IQSEC2: variants seen among roughly 807,000 people sequenced by gnomAD.
The protein encoded by IQSEC2 is IQ motif and Sec7 domain ArfGEF 2.
A neutral mutation model predicts 74.6 loss-of-function variants in IQSEC2; 6 were observed. The ratio of observed to expected loss-of-function variants is 0.08; its 90% CI spans 0.04 to 0.16. IQSEC2 has a LOEUF of 0.16. IQSEC2 is among the 10% of genes least tolerant of loss of function. The pLI is 1.00. For synonymous variants in IQSEC2, 494 were observed against 544.5 expected (o/e 0.91, Z 1.29); for missense variants, 734 against 1,306.2 (o/e 0.56, Z 6.75).
chrX:53,308,778 G>A (rs1376252494), intron 1 of IQSEC2, among the ~76,000 whole-genome samples: 1 of 109,999 alleles, frequency 9.1e-6, no homozygotes, highest in Non-Finnish European at 1.9e-5. Context: ...ACTAATAGAG[G>A]AGCCCACACA....
intron 5 of IQSEC2, 52 bp from the exon 6 acceptor site, chrX:53,248,934 C>G (rs2074346467): frequency 8.6e-7 from 1 of 1,157,979 alleles, no homozygotes; most frequent in Middle Eastern, 2.4e-4. Flanking sequence ...GAACTGTGCT[C>G]TCTGTCTCAT....
chrX:53,264,938 A>AT (rs1209508779), intron 2 of IQSEC2, among the ~76,000 whole-genome samples: 2 of 107,728 alleles, frequency 1.9e-5, no homozygotes, highest in East Asian at 5.9e-4. Flanking sequence ...AAAAAAAAAA[A>AT]ATCTTTTTGT....
At chrX:53,290,095 C>A (rs1281573407) in intron 2 of IQSEC2, among the ~76,000 whole-genome samples, 1 of 111,438 alleles carries the variant, frequency 9.0e-6, no homozygotes, top group Non-Finnish European at 1.9e-5. Context: ...TGGCGCCAGG[C>A]AGACTTGGGT....
chrX:53,282,905 T>C (rs2074987649), intron 2 of IQSEC2, among the ~76,000 whole-genome samples: 1 of 111,168 alleles, frequency 9.0e-6, no homozygotes, highest in African/African-American at 3.3e-5. Flanking sequence ...AGACATTAAG[T>C]GTAGTGCTGG....
In IQSEC2 at chrX:53,279,909, AGGAG is replaced by A. The variant is rs200286632; in HGVS notation, c.737+11982_737+11985del. ...AAGATGGAGAGAGAGGAAGGAAGGA[AGGAG>A]GGAGGGAGGGAGGGAGGGAGGAAGG... On this transcript the variant is annotated intron_variant, in intron 2 of 14. Coordinates refer to ENST00000642864, the MANE Select transcript of IQSEC2 (RefSeq NM_001111125.3). The A allele has an allele frequency of 0.094, 5,748 of 61,327 alleles. 700 individuals carry two copies. The highest frequency in any genetic ancestry group is 0.22 in the African/African-American group (2,759 of 12,795). 5.1% of individuals were successfully genotyped at this position (61,327 alleles called of 1,213,427 possible). A position where few individuals can be genotyped will look rare whatever the true frequency, so the allele number is the denominator to read the frequency against.
At chrX:53,319,393 G>A (rs1486328505) in intron 1 of IQSEC2, among the ~76,000 whole-genome samples, 1 of 111,823 alleles carries the variant, frequency 8.9e-6, no homozygotes, top group Admixed American at 9.5e-5. Flanking sequence ...AGATACGGGG[G>A]AACTGATGGC....
At chrX:53,275,859 AT>A (rs34173399) in intron 2 of IQSEC2, among the ~76,000 whole-genome samples, 7,366 of 96,829 alleles carry the variant, frequency 0.076, 767 homozygotes, top group African/African-American at 0.27. Context: ...ACGCCTGGCA[AT>A]TTTTTTTTTT....
chrX:53,316,672 C>T (rs782678608), intron 1 of IQSEC2, among the ~76,000 whole-genome samples: 15 of 110,430 alleles, frequency 1.4e-4, no homozygotes, highest in East Asian at 1.1e-3. Flanking sequence ...AAGAATTGGG[C>T]GGATAGCAAC....
rs2075424223 is a variant in IQSEC2 at position 53,320,818 on chromosome X, C to T, written c.306G>A (p.Leu102=). ...LRETQFHHRE[L]RESQFHQAAR... is the part of the protein sequence containing the mutation. ...CCGCCTGGTGGAACTGGCTCTCCCG[C>T]AGCTCGCGGTGGTGGAACTGGGTCT... Residue 102 remains leucine (L), a synonymous_variant, in exon 1 of 15, where the codon CTG becomes CTA. Transcript: ENST00000642864. 3.4e-6 allele frequency: 4 copies of T among 1,164,963 alleles called. No individual in the cohort carries two copies. The highest frequency in any genetic ancestry group is 3.3e-5 in the East Asian group (1 of 30,667).
At chrX:53,263,767 TG>T (rs1237807440) in intron 2 of IQSEC2, among the ~76,000 whole-genome samples, 3 of 111,629 alleles carry the variant, frequency 2.7e-5, no homozygotes, top group Non-Finnish European at 5.7e-5. Flanking sequence ...CTCCCTCCCC[TG>T]TGTCTTATGC....
At position 53,272,769 on chromosome X, in the gene IQSEC2, T is replaced by C. The variant is rs984700966; in HGVS notation, c.738-16708A>G. ...CTCTCTTCTTATGATGCAACCCATG[T>C]ACCCTGTACTCCTCTCAGCCTTCTC... is the stretch of plus-strand genomic sequence containing the variant. On this transcript the variant is annotated intron_variant, in intron 2 of 14. Transcript: ENST00000642864. 3.6e-5 allele frequency among the ~76,000 whole-genome samples: 4 copies of C among 111,873 alleles called. No homozygotes were observed. In the Admixed American group the frequency reaches 3.8e-4, roughly 11 times the overall value.
At chrX:53,251,228 A>C in intron 4 of IQSEC2, 54 bp from the exon 5 acceptor site, 3 of 1,115,889 alleles carry the variant, frequency 2.7e-6, no homozygotes, top group Non-Finnish European at 3.7e-6. Flanking sequence ...AAGAAAGATA[A>C]AGGGAAGAAT....
chrX:53,241,652 T>C, intron 10 of IQSEC2, 132 bp downstream of exon 10: 2 of 922,208 alleles, frequency 2.2e-6, no homozygotes, highest in African/African-American at 1.9e-5. Context: ...CCTGAGACCA[T>C]GCAGATGGCA....
intron 2 of IQSEC2, among the ~76,000 whole-genome samples, chrX:53,281,011 T>C (rs1009935521): frequency 3.6e-5 from 4 of 112,285 alleles, no homozygotes; most frequent in Non-Finnish European, 7.5e-5. Flanking sequence ...CTCAGAACCT[T>C]ACAGGGAATC....
chrX:53,293,886 A>T (rs1043678780), intron 1 of IQSEC2, among the ~76,000 whole-genome samples: 24 of 111,689 alleles, frequency 2.1e-4, no homozygotes, highest in African/African-American at 6.5e-4. Context: ...ATCTCCTTTG[A>T]TCCTGCAAAG....
At chrX:53,294,621 A>AGTTCC (rs2075133024) in intron 1 of IQSEC2, among the ~76,000 whole-genome samples, 1 of 111,340 alleles carries the variant, frequency 9.0e-6, no homozygotes, top group Non-Finnish European at 1.9e-5. Flanking sequence ...GTGTTAGTTG[A>AGTTCC]GTTCCAAGCA....
chrX:53,241,955 G>A (rs1390281611), intron 9 of IQSEC2, 46 bp from the exon 10 acceptor site: 5 of 1,184,902 alleles, frequency 4.2e-6, no homozygotes, highest in Non-Finnish European at 5.7e-6. Flanking sequence ...CAGCCCATCA[G>A]CTTCAGGCCT....
intron 2 of IQSEC2, among the ~76,000 whole-genome samples, chrX:53,280,007 C>T (rs1027944442): frequency 1.8e-5 from 2 of 108,348 alleles, no homozygotes; most frequent in South Asian, 4.2e-4. Flanking sequence ...GGACGGCACT[C>T]GAACCACATA....
intron 2 of IQSEC2, among the ~76,000 whole-genome samples, chrX:53,280,357 G>C (rs2074933754): frequency 2.7e-5 from 3 of 111,118 alleles, no homozygotes; most frequent in South Asian, 7.7e-4. Context: ...GAGAGGGAGA[G>C]AGATAGAGAG....
Sources: gnomAD v4.1 joint callset for allele counts (sites outside exome capture counted in the v4.1 genomes callset) on GRCh38, gnomAD v4.1.1 for gene constraint, MANE v1.5 for transcripts, NCBI Gene and HGNC (gene_info 2026-07-23, HGNC 2026-07-21) for gene names.